Variants in NKIRAS1 observed in about 807,000 individuals in gnomAD.
NKIRAS1 encodes NFKB inhibitor interacting Ras like 1.
Under a neutral mutation model 19.8 loss-of-function variants are expected in NKIRAS1, and 16 were observed. The ratio of observed to expected loss-of-function variants is 0.81; its 90% CI spans 0.55 to 1.23. The LOEUF is 1.23. Among genes scored for constraint, NKIRAS1 ranks in the 50% most tolerant of loss-of-function variants. The probability of loss-of-function intolerance (pLI) is 0.00; values close to 1 mark genes in which losing one functional copy is unlikely to be tolerated. For synonymous variants in NKIRAS1, 88 were observed against 79.0 expected, an observed-to-expected ratio of 1.11 and a Z score of -0.61; for missense variants, 184 against 220.0, an observed-to-expected ratio of 0.84 and a Z score of 1.04.
At chr3:23,915,568 T>C (rs1177216306) in intron 1 of NKIRAS1, among the ~76,000 whole-genome samples, 3 of 152,210 alleles carry the variant, frequency 2.0e-5, no homozygotes, top group African/African-American at 7.2e-5. Flanking sequence ...ATCCGAGTTA[T>C]CTTTTTAAAA....
In NKIRAS1 at chr3:23,926,463, C is replaced by T. The variant is rs1207400101; in HGVS notation, c.-139-15013G>A. Among the ~76,000 whole-genome samples, 1 of 151,922 alleles carries T rather than the reference C, an allele frequency of 6.6e-6. No individual in the cohort carries two copies. The highest frequency in any genetic ancestry group is 1.5e-5 in the Non-Finnish European group (1 of 67,998). The stretch of plus-strand genomic sequence containing the variant: ...CTCGTCCTCCTCTTCTCTCTTTTTT[C>T]TCTTCTTCCTCTTTCTCTCCTTCTC... On this transcript the variant is annotated intron_variant, in intron 1 of 4. Transcript: ENST00000421515. The surrounding 1 kb of genome is among the most constrained non-coding windows in gnomAD (Gnocchi z 4.3).
At chr3:23,901,171 CTATTT>C (rs1702481608) in intron 3 of NKIRAS1, 122 bp from the exon 4 acceptor site, 8 of 900,928 alleles carry the variant, frequency 8.9e-6, no homozygotes, top group South Asian at 3.6e-5. Context: ...AATCACATTT[CTATTT>C]TACTTTTTTT....
intron 3 of NKIRAS1, among the ~76,000 whole-genome samples, chr3:23,907,174 G>A (rs1286852770): frequency 3.3e-5 from 5 of 152,156 alleles, no homozygotes; most frequent in Non-Finnish European, 7.3e-5. Flanking sequence ...GATTACAGGC[G>A]TGAGCCACCA....
upstream of NKIRAS1, chr3:23,918,972 A>T: frequency 1.8e-6 from 1 of 569,876 alleles, no homozygotes; most frequent in Non-Finnish European, 3.1e-6. Context: ...TCAGGAATGG[A>T]GTATTAAGAG....
At chr3:23,920,064 A>G (rs79806018), upstream of NKIRAS1, 1,422 of 986,016 alleles carry the variant, frequency 1.4e-3, 20 homozygotes, top group African/African-American at 0.022. Context: ...GGTAATGGTA[A>G]ACACTGGTGT....
chr3:23,890,425 G>A lies in NKIRAS1; in HGVS notation c.*2670C>T, dbSNP rs1286118265. 9.2e-6 allele frequency: 12 copies of A among 1,298,192 alleles called. No individual in the cohort carries two copies. The highest frequency in any genetic ancestry group is 2.9e-5 in the African/African-American group (2 of 67,966). 80.4% of individuals were successfully genotyped at this position (1,298,192 alleles called of 1,614,324 possible). On this transcript the variant is annotated 3_prime_UTR_variant, in exon 5 of 5. Coordinates refer to ENST00000425478, the MANE Select transcript of NKIRAS1 (RefSeq NM_020345.4). The stretch of plus-strand genomic sequence containing the variant: ...TTTGATCACACATACTTTGTCGTAC[G>A]TATCTACCCAAGCTGTCACTATTCG...
At position 23,892,661 on chromosome 3, in the gene NKIRAS1, C is replaced by T. The variant is rs1359079836; in HGVS notation, c.*434G>A. 6.6e-6 allele frequency: 1 copy of T among 152,578 alleles called. No individual in the cohort carries two copies. The highest frequency in any genetic ancestry group is 6.5e-5 in the Admixed American group (1 of 15,282). 9.5% of individuals were successfully genotyped at this position (152,578 alleles called of 1,614,324 possible). On this transcript the variant is annotated 3_prime_UTR_variant, in exon 5 of 5. Transcript: ENST00000425478. ...AGACACAAAAAAATGTTTTATAATCCTAGACATTAGATTAATGAACTTTTT... is the reference window on the plus strand; with the variant it reads ...AGACACAAAAAAATGTTTTATAATCTTAGACATTAGATTAATGAACTTTTT...
At chr3:23,933,713 G>A (rs977977196) in intron 1 of NKIRAS1, among the ~76,000 whole-genome samples, 1 of 152,138 alleles carries the variant, frequency 6.6e-6, no homozygotes, top group Non-Finnish European at 1.5e-5. Context: ...CCCTAAGGGG[G>A]TAAAAATTGG....
upstream of NKIRAS1, chr3:23,918,715 G>A (rs2125254124): frequency 9.9e-7 from 1 of 1,009,542 alleles, no homozygotes; most frequent in Non-Finnish European, 1.4e-6. Flanking sequence ...TAATCTTGGT[G>A]AAGAGTAATT....
chr3:23,910,395 T>C (rs1372862069), intron 3 of NKIRAS1, among the ~76,000 whole-genome samples: 1 of 152,144 alleles, frequency 6.6e-6, no homozygotes, highest in Non-Finnish European at 1.5e-5. Flanking sequence ...CATCAGGTGA[T>C]CCGCCTGCCT....
At chr3:23,902,924 A>C (rs1702661698) in intron 3 of NKIRAS1, among the ~76,000 whole-genome samples, 1 of 152,216 alleles carries the variant, frequency 6.6e-6, no homozygotes, top group Admixed American at 6.5e-5. Context: ...TTCTGCTCCC[A>C]AAACACTGGC....
chr3:23,918,416 A>C (rs139041613), upstream of NKIRAS1: 3 of 1,607,474 alleles, frequency 1.9e-6, no homozygotes, highest in Non-Finnish European at 2.5e-6. Flanking sequence ...TAAAATCACT[A>C]ATTTCGTGTG....
At chr3:23,946,292 C>T in intron 1 of NKIRAS1, 5 of 985,520 alleles carry the variant, frequency 5.1e-6, no homozygotes, top group Non-Finnish European at 6.0e-6. Context: ...ACCAAACGAA[C>T]CGGCGCCTGG....
upstream of NKIRAS1, chr3:23,917,743 C>A: frequency 8.6e-7 from 1 of 1,167,142 alleles, no homozygotes; most frequent in South Asian, 1.5e-5. Context: ...GAGCCATTTT[C>A]ATTCCCGGCG....
intron 3 of NKIRAS1, among the ~76,000 whole-genome samples, chr3:23,901,867 G>A (rs536568919): frequency 1.3e-5 from 2 of 152,318 alleles, no homozygotes; most frequent in Admixed American, 6.5e-5. Context: ...GAGGTCAGGA[G>A]TTCAAGAACA....
intron 1 of NKIRAS1, among the ~76,000 whole-genome samples, chr3:23,913,597 G>A (rs1232478354): frequency 1.3e-5 from 2 of 152,082 alleles, no homozygotes; most frequent in Non-Finnish European, 2.9e-5. Context: ...GCTATGGCAG[G>A]AACTCACATT....
chr3:23,941,519 G>A (rs1689980976), intron 1 of NKIRAS1, among the ~76,000 whole-genome samples: 1 of 152,222 alleles, frequency 6.6e-6, no homozygotes, highest in Admixed American at 6.5e-5. Context: ...GGAGTAGGTA[G>A]AAATCCACTA....
At position 23,891,360 on chromosome 3, in the gene NKIRAS1, C is replaced by T. The variant is rs1034529571; in HGVS notation, c.*1735G>A. ...TTTCTTTTGCCTTTTGGTTGCCATT[C>T]GCAGATTCTTCTGAAATCGATAGGT... On this transcript the variant is annotated 3_prime_UTR_variant, in exon 5 of 5. Coordinates refer to ENST00000425478, the MANE Select transcript of NKIRAS1 (RefSeq NM_020345.4). The T allele has an allele frequency of 2.0e-5, 3 of 152,130 alleles. No individual in the cohort carries two copies. The highest frequency in any genetic ancestry group is 7.2e-5 in the African/African-American group (3 of 41,430). 9.4% of individuals were successfully genotyped at this position (152,130 alleles called of 1,614,324 possible).
At chr3:23,939,264 G>C (rs936426701) in intron 1 of NKIRAS1, among the ~76,000 whole-genome samples, 5 of 152,016 alleles carry the variant, frequency 3.3e-5, no homozygotes, top group African/African-American at 1.2e-4. Context: ...ATCAAGAAAT[G>C]AGAAAAATAA....
Sources: gnomAD v4.1 joint callset for allele counts (sites outside exome capture counted in the v4.1 genomes callset) on GRCh38, gnomAD v4.1.1 for gene constraint, Gnocchi (gnomAD v3.1) non-coding constraint, MANE v1.5 for transcripts, NCBI Gene and HGNC (gene_info 2026-07-23, HGNC 2026-07-21) for gene names.